Variants in TENM2 observed in about 807,000 individuals in gnomAD.
TENM2 encodes teneurin-2.
TENM2 carries 52 observed loss-of-function variants against 245.2 expected under a neutral mutation model. The observed-to-expected ratio is 0.21, with a 90% confidence interval of 0.17 to 0.27. TENM2 has a LOEUF of 0.27. Ranked by LOEUF, TENM2 falls within the 10% of genes least tolerant of loss-of-function variation. The pLI is 1.00. For synonymous variants in TENM2, 1,363 were observed against 1,438.9 expected (o/e 0.95, Z 1.19); for missense variants, 3,046 against 3,666.8 (o/e 0.83, Z 4.37).
intron 2 of TENM2, among the ~76,000 whole-genome samples, chr5:167,673,086 T>C (rs1410364262): frequency 1.3e-5 from 2 of 152,042 alleles, no homozygotes; most frequent in African/African-American, 2.4e-5. Context: ...AACAATCATG[T>C]CTGTTATGGC....
intron 2 of TENM2, among the ~76,000 whole-genome samples, chr5:167,859,359 A>G (rs536248972): frequency 2.2e-4 from 28 of 126,624 alleles, no homozygotes; most frequent in South Asian, 5.8e-4. Context: ...CCCGGCAGCC[A>G]CCCCGTCCGG....
At chr5:167,875,098 A>C (rs1452771506) in intron 2 of TENM2, among the ~76,000 whole-genome samples, 1 of 152,206 alleles carries the variant, frequency 6.6e-6, no homozygotes, top group African/African-American at 2.4e-5. Flanking sequence ...CAGGGGGTGA[A>C]TAAAATAAAC....
intron 1 of TENM2, among the ~76,000 whole-genome samples, chr5:167,301,251 C>T (rs953069336): frequency 1.2e-4 from 18 of 152,130 alleles, no homozygotes; most frequent in African/African-American, 4.1e-4. Flanking sequence ...TTGAACAGTC[C>T]GATTTTTCAG....
At chr5:167,462,479 G>A (rs1265899603) in intron 2 of TENM2, among the ~76,000 whole-genome samples, 1 of 152,118 alleles carries the variant, frequency 6.6e-6, no homozygotes, top group African/African-American at 2.4e-5. Context: ...GGAAGAATCA[G>A]GTCACACGGA....
the TENM2 span, among the ~76,000 whole-genome samples, chr5:167,094,528 A>T: frequency 6.6e-6 from 1 of 152,168 alleles, no homozygotes; most frequent in Admixed American, 6.5e-5. Context: ...CAGAAGAAAA[A>T]AAACAGGCAG....
chr5:167,559,264 G>A (rs538342160), intron 2 of TENM2, among the ~76,000 whole-genome samples: 22 of 152,188 alleles, frequency 1.4e-4, no homozygotes, highest in African/African-American at 2.9e-4. Context: ...TCATCCCTCC[G>A]TTGTGTCCCC....
intron 4 of TENM2, among the ~76,000 whole-genome samples, chr5:167,980,939 C>T (rs1368852122): frequency 6.6e-6 from 1 of 152,162 alleles, no homozygotes; most frequent in Admixed American, 6.5e-5. Context: ...AGGACTGGAG[C>T]AGGTGTCCTT....
At chr5:168,162,452 G>A (rs1469472729) in intron 12 of TENM2, among the ~76,000 whole-genome samples, 159 bp from the exon 15 acceptor site, 2 of 152,188 alleles carry the variant, frequency 1.3e-5, no homozygotes, top group African/African-American at 4.8e-5. Context: ...TACTGCATGC[G>A]TTGCCTGCTC....
At chr5:167,658,913 A>G (rs1166899256) in intron 2 of TENM2, among the ~76,000 whole-genome samples, 1 of 152,204 alleles carries the variant, frequency 6.6e-6, no homozygotes, top group Non-Finnish European at 1.5e-5. Context: ...GGTTTTAATT[A>G]TTGATGCTAA....
intron 2 of TENM2, among the ~76,000 whole-genome samples, chr5:167,597,729 T>C (rs1405678240): frequency 1.6e-5 from 2 of 123,760 alleles, no homozygotes; most frequent in Admixed American, 1.7e-4. Flanking sequence ...ATCTGAATGC[T>C]ATCTTACTTT....
chr5:167,451,483 G>A (rs746572777), intron 2 of TENM2, among the ~76,000 whole-genome samples: 4 of 152,192 alleles, frequency 2.6e-5, no homozygotes, highest in Admixed American at 6.5e-5. Flanking sequence ...AGTTTCTGAA[G>A]TTAGGGATTC....
chr5:168,026,229 C>T (rs1786618954), intron 5 of TENM2, among the ~76,000 whole-genome samples: 1 of 152,112 alleles, frequency 6.6e-6, no homozygotes, highest in Non-Finnish European at 1.5e-5. Context: ...GTTGGGGACC[C>T]CTCTCACAGT....
At chr5:167,724,307 T>A (rs1205200193) in intron 2 of TENM2, among the ~76,000 whole-genome samples, 1 of 151,952 alleles carries the variant, frequency 6.6e-6, no homozygotes, top group Non-Finnish European at 1.5e-5. Flanking sequence ...TTTTTTCCCA[T>A]GTACTTACTG....
chr5:168,198,869 A>C (rs1451278496), exon 16 of TENM2: 2 of 1,613,778 alleles, frequency 1.2e-6, no homozygotes, highest in South Asian at 1.1e-5. Context: ...CCTGATCGCA[A>C]ATGGAGGTGC....
In TENM2 at chr5:167,355,953, C is replaced by T. The variant is rs1473738034; in HGVS notation, c.227-19245C>T. Among the ~76,000 whole-genome samples, 37 of 147,868 alleles carry T rather than the reference C, an allele frequency of 2.5e-4. No individual in the cohort carries two copies. In the South Asian group the frequency reaches 5.3e-3, roughly 21 times the overall value. ...ATCCTAGCACTTTGGGAGGCCGAGG[C>T]GGGCAGATCACCTGAGGTCAGGAGT... On this transcript the variant is annotated intron_variant, in intron 1 of 28. Coordinates refer to ENST00000518659, the Ensembl canonical transcript of TENM2.
In TENM2 at chr5:168,238,178, AGAGAGAGG is replaced by A. The variant is rs1259174905; in HGVS notation, c.5521-6238_5521-6231del. Among the ~76,000 whole-genome samples, 66 of 69,770 alleles carry A rather than the reference AGAGAGAGG, an allele frequency of 9.5e-4. 9 individuals are homozygous for A. The highest frequency in any genetic ancestry group is 7.2e-3 in the African/African-American group (63 of 8,698). The allele number at this position is 69,770 out of a possible 152,430, so 45.8% of individuals were successfully genotyped here. On this transcript the variant is annotated intron_variant, in intron 25 of 28. Coordinates refer to ENST00000518659, the Ensembl canonical transcript of TENM2. The stretch of plus-strand genomic sequence containing the variant: ...AAGAAAGAGAGAGAGAGAGAGAGAG[AGAGAGAGG>A]GAGGGAGGGAGGGAGGGAGGGAGGG...
the TENM2 span, among the ~76,000 whole-genome samples, chr5:166,979,194 C>CCACCACCAGCAGCAG: frequency 2.1e-5 from 3 of 142,044 alleles, no homozygotes; most frequent in African/African-American, 8.3e-5. Flanking sequence ...AGCACCACCA[C>CCACCACCAGCAGCAG]CAGCAGCAGC....
Position 167,880,156 on chromosome 5 carries a change from C to T in TENM2, c.712+3961C>T, listed in dbSNP as rs1048384256. 2.6e-5 allele frequency among the ~76,000 whole-genome samples: 4 copies of T among 152,064 alleles called. No individual in the cohort carries two copies. The South Asian group carries it at 8.3e-4, about 32-fold the overall frequency. On this transcript the variant is annotated intron_variant, in intron 3 of 28. Transcript: ENST00000518659. ...CAAGTGATTCTCATGCCTCAGCCTCCCTAGTAGCTGGGATTACAGGTGCAC... is the reference window on the plus strand; with the variant it reads ...CAAGTGATTCTCATGCCTCAGCCTCTCTAGTAGCTGGGATTACAGGTGCAC...
At position 167,369,110 on chromosome 5, in the gene TENM2, G is replaced by T. The variant is rs544839653; in HGVS notation, c.227-6088G>T. ...GTCTGCTGCCGTTTCCAATTTGCAG[G>T]TTTCTCTAGCACCAGGTTTGGAACA... On this transcript the variant is annotated intron_variant, in intron 1 of 28. Coordinates refer to ENST00000518659, the Ensembl canonical transcript of TENM2. Among the ~76,000 whole-genome samples the T allele has an allele frequency of 3.3e-5, 5 of 152,226 alleles. No homozygotes were observed. The East Asian group carries it at 9.7e-4, about 29-fold the overall frequency.
Sources: allele counts gnomAD v4.1 joint callset (sites outside exome capture counted in the v4.1 genomes callset), GRCh38; gene constraint gnomAD v4.1.1; transcripts MANE v1.5; gene names NCBI Gene and HGNC (gene_info 2026-07-23, HGNC 2026-07-21).